The following NTNG1 variants were observed in gnomAD, a reference collection of about 807,000 sequenced individuals.
NTNG1 encodes the protein netrin-G1.
Under a neutral mutation model 54.0 loss-of-function variants are expected in NTNG1, and 16 were observed. That is an observed-to-expected ratio of 0.30 (90% CI 0.20 to 0.45). The LOEUF (loss-of-function observed/expected upper bound fraction) is 0.45. Ranked by LOEUF, NTNG1 falls within the 20% of genes least tolerant of loss-of-function variation. The pLI, the probability that NTNG1 is intolerant of heterozygous loss-of-function variation, is 1.00. For synonymous variants in NTNG1, 255 were observed against 263.1 expected (o/e 0.97, Z 0.30); for missense variants, 530 against 678.7 (o/e 0.78, Z 2.43).
chr1:107,155,416 A>G (rs1033345671), intron 2 of NTNG1, among the ~76,000 whole-genome samples: 39 of 151,242 alleles, frequency 2.6e-4, no homozygotes, highest in Non-Finnish European at 4.0e-4. Flanking sequence ...CTCATGTTAA[A>G]TCTCTCTCTC....
intron 2 of NTNG1, among the ~76,000 whole-genome samples, chr1:107,293,777 T>C (rs965326313): frequency 1.3e-5 from 2 of 152,204 alleles, no homozygotes; most frequent in Non-Finnish European, 2.9e-5. Context: ...ATTAACTATT[T>C]TTTAATGACC....
intron 2 of NTNG1, among the ~76,000 whole-genome samples, chr1:107,264,775 A>G (rs1025698882): frequency 6.6e-6 from 1 of 152,086 alleles, no homozygotes; most frequent in African/African-American, 2.4e-5. Context: ...GGTTAGTGAG[A>G]ACTGAGGCAG....
intron 2 of NTNG1, among the ~76,000 whole-genome samples, chr1:107,321,403 G>A (rs1667654711): frequency 6.6e-6 from 1 of 151,990 alleles, no homozygotes; most frequent in South Asian, 2.1e-4. Flanking sequence ...CATTTGCCCT[G>A]AGCTGGCTGA....
intron 4 of NTNG1, among the ~76,000 whole-genome samples, chr1:107,396,784 A>G (rs573821826): frequency 6.6e-6 from 1 of 152,308 alleles, no homozygotes; most frequent in Admixed American, 6.5e-5. Context: ...TTTAGTAGAA[A>G]AGGCTGGAAG....
chr1:107,330,420 G>C (rs1217379512), intron 3 of NTNG1, among the ~76,000 whole-genome samples: 1 of 152,120 alleles, frequency 6.6e-6, no homozygotes, highest in East Asian at 1.9e-4. Flanking sequence ...ATAGCTCCAA[G>C]CCCTGATGCT....
intron 5 of NTNG1, among the ~76,000 whole-genome samples, chr1:107,420,496 A>C (rs1464411861): frequency 2.0e-5 from 3 of 152,060 alleles, no homozygotes; most frequent in Non-Finnish European, 2.9e-5. Flanking sequence ...CATAGAGAGA[A>C]ATCTCTGCCA....
At chr1:107,238,216 T>C (rs1661548709) in intron 2 of NTNG1, among the ~76,000 whole-genome samples, 2 of 152,216 alleles carry the variant, frequency 1.3e-5, no homozygotes, top group African/African-American at 4.8e-5. Context: ...AAGATTTGAC[T>C]GCCCCACTGG....
intron 2 of NTNG1, among the ~76,000 whole-genome samples, chr1:107,226,080 T>TTA (rs1660655026): frequency 6.6e-6 from 1 of 152,132 alleles, no homozygotes; most frequent in African/African-American, 2.4e-5. Context: ...TTGCCCAAAG[T>TTA]TATATAGCTT....
chr1:107,282,087 C>T (rs945361762), intron 2 of NTNG1, among the ~76,000 whole-genome samples: 1 of 152,072 alleles, frequency 6.6e-6, no homozygotes, highest in African/African-American at 2.4e-5. Flanking sequence ...TTTACAGATA[C>T]GATGCTTAAT....
intron 2 of NTNG1, among the ~76,000 whole-genome samples, chr1:107,278,442 A>G (rs1664621083): frequency 6.6e-6 from 1 of 152,196 alleles, no homozygotes; most frequent in Non-Finnish European, 1.5e-5. Context: ...TAGTATTCAT[A>G]AGCATGTAGT....
chr1:107,162,437 C>G (rs564362048), intron 2 of NTNG1, among the ~76,000 whole-genome samples: 1 of 152,128 alleles, frequency 6.6e-6, no homozygotes, highest in African/African-American at 2.4e-5. Flanking sequence ...ATCATGGTAA[C>G]CACAATTAAC....
chr1:107,229,987 C>G (rs1054096196), intron 2 of NTNG1, among the ~76,000 whole-genome samples: 4 of 151,964 alleles, frequency 2.6e-5, no homozygotes, highest in African/African-American at 9.7e-5. Flanking sequence ...AAACACTGTT[C>G]TGTGGTTTCT....
intron 7 of NTNG1, among the ~76,000 whole-genome samples, chr1:107,463,873 A>G (rs1178817137): frequency 1.3e-5 from 2 of 152,230 alleles, no homozygotes; most frequent in Non-Finnish European, 2.9e-5. Flanking sequence ...AGAAAAATGC[A>G]ATGTATTCAC....
rs142045829 is a variant in NTNG1, at chr1:107,402,204, A to G, written c.1061-5478A>G. ...TTAAGTCTATGTGCAGAGCCAGATAATAATCAGGAGGTTGCTTGGTGAGCA... is the reference window on the plus strand; with the variant it reads ...TTAAGTCTATGTGCAGAGCCAGATAGTAATCAGGAGGTTGCTTGGTGAGCA... On this transcript the variant is annotated intron_variant, in intron 4 of 7. Coordinates refer to ENST00000370068, the MANE Select transcript of NTNG1 (RefSeq NM_001113226.3). Among the ~76,000 whole-genome samples, 9 of 152,276 alleles carry G rather than the reference A, an allele frequency of 5.9e-5. No homozygotes were observed. The East Asian group carries it at 1.5e-3, about 26-fold the overall frequency.
chr1:107,428,604 T>C (rs1050277903), intron 5 of NTNG1, among the ~76,000 whole-genome samples: 1 of 152,110 alleles, frequency 6.6e-6, no homozygotes. Flanking sequence ...AGGGCTGTTA[T>C]TGGCCCTCCT....
At chr1:107,265,969 C>T (rs1295445876) in intron 2 of NTNG1, among the ~76,000 whole-genome samples, 2 of 152,224 alleles carry the variant, frequency 1.3e-5, no homozygotes, top group South Asian at 2.1e-4. Context: ...TCTTCCTGCT[C>T]CTTGTCTCAG....
In NTNG1 at chr1:107,324,314, T is replaced by G; in HGVS notation, c.279T>G (p.Asp93Glu). The G allele has an allele frequency of 6.8e-6, 11 of 1,613,624 alleles. No individual in the cohort carries two copies. Among genetic ancestry groups the G allele is most frequent in the Non-Finnish European group, 9.3e-6 (11 of 1,179,702 alleles). Residue 93 changes from aspartate (D) to glutamate (E), a missense_variant, in exon 3 of 8, where the codon GAT (aspartate) becomes GAG (glutamate). By Grantham distance (45) the Asp-to-Glu change is conservative. Coordinates refer to ENST00000370068, the MANE Select transcript of NTNG1 (RefSeq NM_001113226.3). Reference sequence around the variant, plus strand: ...CCTACATGTGCAATAATGAGTGTGATGCGAGTACCCCTGAGCTGGCACACC... The same window carrying G: ...CCTACATGTGCAATAATGAGTGTGAGGCGAGTACCCCTGAGCTGGCACACC... ...GNPYMCNNEC[D>E]ASTPELAHPP...
chr1:107,319,760 T>A (rs1048435212), intron 2 of NTNG1, among the ~76,000 whole-genome samples: 1 of 151,998 alleles, frequency 6.6e-6, no homozygotes, highest in Non-Finnish European at 1.5e-5. Context: ...ATTCTCTTCA[T>A]TTTCAACTGT....
intron 2 of NTNG1, among the ~76,000 whole-genome samples, chr1:107,192,333 C>T (rs1052029616): frequency 6.6e-6 from 1 of 152,078 alleles, no homozygotes; most frequent in Non-Finnish European, 1.5e-5. Context: ...TTTTACACAA[C>T]CATCCTGGAT....
Sources: allele counts gnomAD v4.1 joint callset (sites outside exome capture counted in the v4.1 genomes callset), GRCh38; gene constraint gnomAD v4.1.1; transcripts MANE v1.5; gene names NCBI Gene and HGNC (gene_info 2026-07-23, HGNC 2026-07-21).